THSD7A: variants seen among roughly 807,000 people sequenced by gnomAD.
The protein encoded by THSD7A is thrombospondin type-1 domain-containing protein 7A.
Under a neutral mutation model 231.3 loss-of-function variants are expected in THSD7A, and 96 were observed. The ratio of observed to expected loss-of-function variants is 0.41; its 90% confidence interval spans 0.35 to 0.49. THSD7A has a LOEUF of 0.49. THSD7A is among the 20% of genes least tolerant of loss of function. The pLI, the probability that THSD7A is intolerant of heterozygous loss-of-function variation, is 0.05. For synonymous variants in THSD7A, 940 were observed against 743.3 expected, an observed-to-expected ratio of 1.26 and a Z score of -4.30; for missense variants, 2,290 against 2,070.2, an observed-to-expected ratio of 1.11 and a Z score of -2.06.
rs1429001029 is a variant in THSD7A at position 11,379,094 on chromosome 7, A to G, written c.4777T>C (p.Trp1593Arg). ...CCTGGCCCAAATGGCTGTAGAAACC[A>G]GGTCCTTCCCCGTCCTGCTGGGTTA... ...SSNPAGRGRTWFLQPFGPDGR... is the reference protein window; with the variant it reads ...SSNPAGRGRTRFLQPFGPDGR... The change falls in exon 26 of 28, where the codon TGG (tryptophan) becomes CGG (arginine). Residue 1593 changes from tryptophan (W) to arginine (R), a missense_variant. By Grantham distance (101) the Trp-to-Arg change is moderately radical (BLOSUM62 -3). Coordinates refer to ENST00000423059, the MANE Select transcript of THSD7A (RefSeq NM_015204.3). 6.2e-7 allele frequency: 1 copy of G among 1,613,428 alleles called. No homozygotes were observed. The highest frequency in any genetic ancestry group is 8.5e-7 in the Non-Finnish European group (1 of 1,179,648).
At chr7:11,398,220 G>T (rs1217723730) in intron 23 of THSD7A, among the ~76,000 whole-genome samples, 1 of 152,052 alleles carries the variant, frequency 6.6e-6, no homozygotes, top group Non-Finnish European at 1.5e-5. Flanking sequence ...AAAAGGATGA[G>T]TTCATGTCCT....
intron 2 of THSD7A, among the ~76,000 whole-genome samples, chr7:11,618,130 T>G (rs898081003): frequency 5.3e-5 from 8 of 152,186 alleles, no homozygotes; most frequent in African/African-American, 1.9e-4. Flanking sequence ...TGGACACTTA[T>G]ATGTGGCTAT....
chr7:11,424,688 T>C lies in THSD7A; in HGVS notation c.3383+8A>G, dbSNP rs1784259978. 1.9e-6 allele frequency: 3 copies of C among 1,613,826 alleles called. No individual in the cohort carries two copies. The highest frequency in any genetic ancestry group is 2.5e-6 in the Non-Finnish European group (3 of 1,179,864). ...CTTGCTTTTCTGTATAATTAGGCTTTGTCTTACCTCACTTTTCGGGTTTGC... is the reference window on the plus strand; with the variant it reads ...CTTGCTTTTCTGTATAATTAGGCTTCGTCTTACCTCACTTTTCGGGTTTGC... On this transcript the variant is annotated splice_region_variant and intron_variant, in intron 16 of 27. Transcript: ENST00000423059.
At chr7:11,660,865 A>G (rs1782900708) in intron 1 of THSD7A, among the ~76,000 whole-genome samples, 1 of 151,500 alleles carries the variant, frequency 6.6e-6, no homozygotes, top group Admixed American at 6.6e-5. Context: ...CAATTAGAAA[A>G]GCTGGAGAAA....
chr7:11,513,020 A>AGATT (rs1411320511), intron 6 of THSD7A, among the ~76,000 whole-genome samples: 1 of 149,114 alleles, frequency 6.7e-6, no homozygotes, highest in African/African-American at 2.5e-5. Flanking sequence ...GACCTGGATG[A>AGATT]GATTGGAGAC....
intron 6 of THSD7A, among the ~76,000 whole-genome samples, chr7:11,507,028 T>C (rs1253829029): frequency 2.0e-5 from 3 of 152,202 alleles, no homozygotes; most frequent in Admixed American, 1.3e-4. Context: ...GTAGGCCTAG[T>C]GATTTTTAAA....
rs553366861 is a variant in THSD7A, at chr7:11,735,817, C to T, written c.190+95940G>A. Among the ~76,000 whole-genome samples, 106 of 151,900 alleles carry T rather than the reference C, an allele frequency of 7.0e-4. No individual in the cohort carries two copies. The South Asian group carries it at 0.021, about 30-fold the overall frequency. ...TTATGGGAAAACATTATGAGGAATG[C>T]TTTATTATAATATAAATTGACATAC... On this transcript the variant is annotated intron_variant, in intron 1 of 27. Coordinates refer to ENST00000423059, the MANE Select transcript of THSD7A (RefSeq NM_015204.3).
chr7:11,474,860 G>A lies in THSD7A; in HGVS notation c.2018-292C>T, dbSNP rs1488367479. Among the ~76,000 whole-genome samples the A allele has an allele frequency of 6.6e-6, 1 of 152,132 alleles. No individual in the cohort carries two copies. Among genetic ancestry groups the A allele is most frequent in the Admixed American group, 6.6e-5 (1 of 15,260 alleles). The stretch of plus-strand genomic sequence containing the variant: ...TAGAATGAAATAATTATATTGTGCG[G>A]TATTTAGTATAACTGGGATTCAAGG... On this transcript the variant is annotated intron_variant, in intron 7 of 27. Transcript: ENST00000423059. The surrounding 1 kb of genome is among the most constrained non-coding windows in gnomAD (Gnocchi z 4.1).
intron 4 of THSD7A, among the ~76,000 whole-genome samples, chr7:11,553,920 C>A (rs114380055): frequency 0.025 from 3,757 of 151,902 alleles, 53 homozygotes; most frequent in East Asian, 0.053. Flanking sequence ...GATACACATA[C>A]TATATAACCT....
chr7:11,541,779 G>A, intron 5 of THSD7A, 148 bp from the exon 6 acceptor site: 3 of 703,266 alleles, frequency 4.3e-6, no homozygotes, highest in South Asian at 1.7e-5. Context: ...CCAAACTGTA[G>A]CTAATGTGAG....
In THSD7A at chr7:11,769,121, CAATATATATATATA is replaced by C. The variant is rs1351111689; in HGVS notation, c.190+62622_190+62635del. On this transcript the variant is annotated intron_variant, in intron 1 of 27. Transcript: ENST00000423059. ...TACAGGCACCTGCCATAATTCCTGG[CAATATATATATATA>C]TATATATATATATATATATTTTTTT... Among the ~76,000 whole-genome samples the C allele has an allele frequency of 9.8e-4, 55 of 55,980 alleles. 2 individuals carry two copies. The highest frequency in any genetic ancestry group is 2.1e-3 in the Admixed American group (8 of 3,780). 36.7% of individuals were successfully genotyped at this position (55,980 alleles called of 152,430 possible).
chr7:11,477,605 C>G (rs7805955), intron 7 of THSD7A, among the ~76,000 whole-genome samples: 4 of 151,924 alleles, frequency 2.6e-5, no homozygotes, highest in Non-Finnish European at 5.9e-5. Context: ...ATTATTTTGT[C>G]ATTAAAATTG....
intron 1 of THSD7A, among the ~76,000 whole-genome samples, chr7:11,733,746 C>G (rs917443664): frequency 2.0e-5 from 3 of 151,756 alleles, no homozygotes; most frequent in Non-Finnish European, 4.4e-5. Flanking sequence ...CCATAGAAGG[C>G]CGAAATTAAG....
intron 2 of THSD7A, among the ~76,000 whole-genome samples, chr7:11,610,181 T>C (rs1375966025): frequency 1.3e-5 from 2 of 152,264 alleles, no homozygotes; most frequent in South Asian, 4.1e-4. Context: ...AACCTAAAAC[T>C]GTTATTTCCC....
rs116916760 is a variant in THSD7A at position 11,562,049 on chromosome 7, G to C, written c.1454-18932C>G. On this transcript the variant is annotated intron_variant, in intron 4 of 27. Coordinates refer to ENST00000423059, the MANE Select transcript of THSD7A (RefSeq NM_015204.3). ...TCTAGTACAGGGAATAGTTTGACTA[G>C]AATGATATAAGTTTTCAAAACAGAC... 5.4e-3 allele frequency among the ~76,000 whole-genome samples: 818 copies of C among 152,250 alleles called. 3 individuals carry two copies. Among genetic ancestry groups the C allele is most frequent in the Non-Finnish European group, 8.4e-3 (570 of 68,002 alleles).
intron 4 of THSD7A, among the ~76,000 whole-genome samples, chr7:11,546,203 C>CG (rs1562706160): frequency 8.6e-5 from 3 of 34,936 alleles, no homozygotes; most frequent in African/African-American, 1.3e-4. Context: ...TGGGCGCGCG[C>CG]TCACACACAC....
At chr7:11,468,474 G>A (rs1316111391) in intron 9 of THSD7A, among the ~76,000 whole-genome samples, 2 of 151,644 alleles carry the variant, frequency 1.3e-5, no homozygotes. Context: ...CCATTAACAT[G>A]TTTATAAAAG....
rs558393471 is a variant in THSD7A at position 11,593,443 on chromosome 7, C to T, written c.1082G>A (p.Cys361Tyr). 6.2e-7 allele frequency: 1 copy of T among 1,614,030 alleles called. No individual in the cohort carries two copies. The highest frequency in any genetic ancestry group is 1.3e-5 in the African/African-American group (1 of 75,054). The change falls in exon 3 of 28, where the codon TGC becomes TAC. Residue 361 changes from cysteine to tyrosine, a missense_variant. Cys to Tyr is a radical substitution (Grantham distance 194). Transcript: ENST00000423059. ...TFQSCVITKE[C>Y]QVSEWSEWSP... ...CCACTCTGACCACTCGGAAACCTGG[C>T]ACTCTTTGGTGATCACACAGGACTG...
chr7:11,409,689 G>A (rs1235540204), intron 19 of THSD7A, among the ~76,000 whole-genome samples: 1 of 152,076 alleles, frequency 6.6e-6, no homozygotes, highest in Non-Finnish European at 1.5e-5. Context: ...TCAACCAGAA[G>A]TAGATCACAG....
Sources: gnomAD v4.1 joint callset for allele counts (sites outside exome capture counted in the v4.1 genomes callset) on GRCh38, gnomAD v4.1.1 for gene constraint, Gnocchi (gnomAD v3.1) non-coding constraint, MANE v1.5 for transcripts, NCBI Gene and HGNC (gene_info 2026-07-23, HGNC 2026-07-21) for gene names.